ATRNL1: variants seen among roughly 807,000 people sequenced by gnomAD.
ATRNL1 encodes attractin like 1.
Under a neutral mutation model 182.7 loss-of-function variants are expected in ATRNL1, and 95 were observed. The ratio of observed to expected loss-of-function variants is 0.52; its 90% CI spans 0.44 to 0.62. The LOEUF (loss-of-function observed/expected upper bound fraction) is 0.62, where lower values mean the gene tolerates loss of function less well. ATRNL1 is among the 20% of genes least tolerant of loss of function. The pLI, the probability that ATRNL1 is intolerant of heterozygous loss-of-function variation, is 0.00. For missense variants in ATRNL1, 1,471 were observed against 1,679.5 expected (o/e 0.88, Z 2.17); for synonymous variants, 576 against 568.3 (o/e 1.01, Z -0.19).
intron 2 of ATRNL1, 79 bp from the exon 3 acceptor site, chr10:115,121,620 T>C (rs1298114898): frequency 6.1e-6 from 3 of 488,922 alleles, no homozygotes; most frequent in Non-Finnish European, 1.0e-5. Context: ...CTTTGTATAT[T>C]ATATAATAAA....
rs869184462 is a variant in ATRNL1, at chr10:115,230,904, AG to A, written c.1533-10666del. 5.2e-3 allele frequency among the ~76,000 whole-genome samples: 755 copies of A among 146,160 alleles called. 5 individuals carry two copies. Among genetic ancestry groups the A allele is most frequent in the African/African-American group, 0.017 (656 of 37,542 alleles). On this transcript the variant is annotated intron_variant, in intron 9 of 28. Transcript: ENST00000355044. ...GAGAGAGAGAGAGAGAGAGAGAGAG[AG>A]AGAGAGAGAGAGAGAGAAAGAGAGA... is the stretch of plus-strand genomic sequence containing the variant.
intron 5 of ATRNL1, among the ~76,000 whole-genome samples, chr10:115,153,264 A>G (rs1318185034): frequency 1.3e-5 from 2 of 151,938 alleles, no homozygotes; most frequent in Non-Finnish European, 2.9e-5. Flanking sequence ...CTCTTTTTCT[A>G]TTGGTTGGAA....
chr10:115,581,272 T>C (rs1855057146), intron 26 of ATRNL1, among the ~76,000 whole-genome samples: 1 of 152,110 alleles, frequency 6.6e-6, no homozygotes, highest in Non-Finnish European at 1.5e-5. Context: ...AATTAGTATG[T>C]GCCAAGTTTT....
At chr10:115,825,067 A>AGGATGAGTTCATGTCCTTTGCAGGGACAT (rs1455934551) in intron 27 of ATRNL1, among the ~76,000 whole-genome samples, 74 of 152,324 alleles carry the variant, frequency 4.9e-4, no homozygotes, top group African/African-American at 1.7e-3. Context: ...GTCATAAAAA[A>AGGATGAGTTCATGTCCTTTGCAGGGACAT]GGATGAGTTC....
At chr10:115,886,539 A>T (rs906321958) in intron 28 of ATRNL1, among the ~76,000 whole-genome samples, 1 of 152,140 alleles carries the variant, frequency 6.6e-6, no homozygotes, top group African/African-American at 2.4e-5. Context: ...ACAAGAACAA[A>T]AACATTAGTA....
intron 27 of ATRNL1, among the ~76,000 whole-genome samples, chr10:115,755,666 G>A (rs188306512): frequency 1.2e-4 from 18 of 152,198 alleles, no homozygotes; most frequent in Middle Eastern, 3.4e-3. Context: ...TTTGGTAACC[G>A]GATGATGCTG....
rs538107877 is a variant in ATRNL1, at chr10:115,213,162, A to AG, written c.1349-2532dup. 7.9e-4 allele frequency among the ~76,000 whole-genome samples: 120 copies of AG among 152,142 alleles called. 1 individual carries two copies. In the South Asian group the frequency reaches 0.024, roughly 31 times the overall value. Reference sequence around the variant, plus strand: ...TGATTTTTCTTGTTGTCGGTATGACAGGGAGTTTTTGATCATATCTTTACA... The same window carrying AG: ...TGATTTTTCTTGTTGTCGGTATGACAGGGGAGTTTTTGATCATATCTTTACA... On this transcript the variant is annotated intron_variant, in intron 8 of 28. Coordinates refer to ENST00000355044, the MANE Select transcript of ATRNL1 (RefSeq NM_207303.4).
intron 26 of ATRNL1, among the ~76,000 whole-genome samples, chr10:115,558,066 A>AAAC (rs1554997721): frequency 2.3e-4 from 4 of 17,418 alleles, no homozygotes; most frequent in African/African-American, 9.5e-4. Flanking sequence ...ACAAAAAAAC[A>AAAC]AAAAAAAAAA....
At chr10:115,349,707 G>T (rs1856141434) in intron 19 of ATRNL1, among the ~76,000 whole-genome samples, 1 of 152,110 alleles carries the variant, frequency 6.6e-6, no homozygotes, top group Admixed American at 6.5e-5. Flanking sequence ...TATTACTGAT[G>T]TTGAACATTT....
At chr10:115,468,257 A>T (rs1055652472) in intron 23 of ATRNL1, among the ~76,000 whole-genome samples, 3 of 150,788 alleles carry the variant, frequency 2.0e-5, no homozygotes, top group African/African-American at 7.3e-5. Flanking sequence ...TAAGGGTTTA[A>T]AAATGTGTCT....
At chr10:115,616,951 C>G (rs12245317) in intron 26 of ATRNL1, among the ~76,000 whole-genome samples, 1 of 152,210 alleles carries the variant, frequency 6.6e-6, no homozygotes, top group Non-Finnish European at 1.5e-5. Flanking sequence ...CTACACAGAG[C>G]CCTCACTGGG....
chr10:115,814,508 A>C (rs534408874), intron 27 of ATRNL1, among the ~76,000 whole-genome samples: 2 of 152,208 alleles, frequency 1.3e-5, no homozygotes, highest in African/African-American at 2.4e-5. Context: ...TGAAAGTACA[A>C]GAAGATAGTT....
chr10:115,268,055 C>G (rs1049043541), intron 12 of ATRNL1, among the ~76,000 whole-genome samples: 2 of 152,158 alleles, frequency 1.3e-5, no homozygotes, highest in East Asian at 3.9e-4. Flanking sequence ...GCTACCGTGC[C>G]TGGCCCAAAA....
chr10:115,490,645 T>C (rs566365622), intron 24 of ATRNL1, among the ~76,000 whole-genome samples: 1 of 152,260 alleles, frequency 6.6e-6, no homozygotes, highest in Admixed American at 6.5e-5. Flanking sequence ...AAGGTTCTTA[T>C]CTTCCTTGCA....
chr10:115,712,729 G>A (rs1032620698), intron 26 of ATRNL1, among the ~76,000 whole-genome samples: 16 of 151,960 alleles, frequency 1.1e-4, no homozygotes, highest in African/African-American at 2.9e-4. Flanking sequence ...TTAGCCAGGC[G>A]TGGTGATGTG....
intron 8 of ATRNL1, among the ~76,000 whole-genome samples, chr10:115,193,136 T>C (rs1465783554): frequency 6.6e-6 from 1 of 152,012 alleles, no homozygotes; most frequent in Admixed American, 6.6e-5. Flanking sequence ...ATCCTGTCTT[T>C]TTCTAGATAT....
intron 27 of ATRNL1, among the ~76,000 whole-genome samples, chr10:115,750,302 A>G (rs1405130255): frequency 6.6e-6 from 1 of 151,976 alleles, no homozygotes; most frequent in Non-Finnish European, 1.5e-5. Flanking sequence ...ATAAAAACAG[A>G]ATTAAAATAT....
Position 115,519,316 on chromosome 10 carries a change from C to T in ATRNL1, c.3708C>T (p.Thr1236=). 2 of 1,610,756 alleles carry T rather than the reference C, an allele frequency of 1.2e-6. No homozygotes were observed. The highest frequency in any genetic ancestry group is 1.7e-6 in the Non-Finnish European group (2 of 1,178,460). The change falls in exon 25 of 29, where the codon ACC becomes ACT. Residue 1236 remains threonine, a synonymous_variant. Coordinates refer to ENST00000355044, the MANE Select transcript of ATRNL1 (RefSeq NM_207303.4). ...TIMDLVQFFV[T]FFSCFLSLLL... is the part of the protein sequence containing the mutation. ...TGGACCTTGTGCAGTTTTTTGTCACCTTCTTCAGGTAAAAGTTTGCTTTGA... is the reference window on the plus strand; with the variant it reads ...TGGACCTTGTGCAGTTTTTTGTCACTTTCTTCAGGTAAAAGTTTGCTTTGA...
At chr10:115,141,988 G>A (rs541506748) in intron 5 of ATRNL1, among the ~76,000 whole-genome samples, 1 of 150,550 alleles carries the variant, frequency 6.6e-6, no homozygotes, top group East Asian at 1.9e-4. Context: ...TTCTTTTTTT[G>A]AGCTTCTATT....
Sources: allele counts gnomAD v4.1 joint callset (sites outside exome capture counted in the v4.1 genomes callset), GRCh38; gene constraint gnomAD v4.1.1; transcripts MANE v1.5; gene names NCBI Gene and HGNC (gene_info 2026-07-23, HGNC 2026-07-21).